Variants in PHLDB2 observed in about 807,000 individuals in gnomAD.
PHLDB2 encodes pleckstrin homology-like domain family B member 2.
Under a neutral mutation model 123.6 loss-of-function variants are expected in PHLDB2, and 71 were observed. The ratio of observed to expected loss-of-function variants is 0.57; its 90% CI spans 0.47 to 0.70. PHLDB2 has a LOEUF of 0.70. Among genes scored for constraint, PHLDB2 ranks in the 30% least tolerant of loss-of-function variants. PHLDB2 has a pLI of 0.00. For missense variants in PHLDB2, 1,446 were observed against 1,519.5 expected, an observed-to-expected ratio of 0.95 and a Z score of 0.80; for synonymous variants, 547 against 541.6, an observed-to-expected ratio of 1.01 and a Z score of -0.14.
intron 1 of PHLDB2, among the ~76,000 whole-genome samples, chr3:111,747,431 TTGTAAAAGAAGGGACTTTCA>T (rs1192960772): frequency 6.6e-6 from 1 of 152,192 alleles, no homozygotes; most frequent in East Asian, 1.9e-4. Flanking sequence ...ACAAAAATAT[TTGTAAAAGAAGGGACTTTCA>T]TGTAAAAGAA....
At chr3:111,885,493 G>C in intron 2 of PHLDB2, 81 bp downstream of exon 2, 1 of 1,549,532 alleles carries the variant, frequency 6.5e-7, no homozygotes, top group Non-Finnish European at 8.9e-7. Flanking sequence ...TGGACTCCAG[G>C]ATATGTGGGA....
At chr3:111,955,103 T>A (rs1259165607) in intron 12 of PHLDB2, among the ~76,000 whole-genome samples, 3 of 147,758 alleles carry the variant, frequency 2.0e-5, no homozygotes, top group South Asian at 2.2e-4. Context: ...TACATAAATT[T>A]ATATATATGT....
intron 1 of PHLDB2, among the ~76,000 whole-genome samples, chr3:111,795,590 G>C (rs1168039013): frequency 6.6e-6 from 1 of 152,094 alleles, no homozygotes; most frequent in Non-Finnish European, 1.5e-5. Flanking sequence ...CATACATCTT[G>C]AAGTCTTGGG....
chr3:111,829,098 G>C (rs561393797), intron 1 of PHLDB2, among the ~76,000 whole-genome samples: 26 of 152,212 alleles, frequency 1.7e-4, no homozygotes, highest in Non-Finnish European at 2.9e-4. Flanking sequence ...CAGAGTTTTA[G>C]ACATTTCCCT....
At chr3:111,958,600 G>A (rs1344460284) in intron 12 of PHLDB2, 1 of 418,808 alleles carries the variant, frequency 2.4e-6, no homozygotes, top group African/African-American at 2.1e-5. Flanking sequence ...ACTGGTTTGG[G>A]TTCCTTGTGT....
chr3:111,757,523 C>T (rs1033153434), intron 1 of PHLDB2, among the ~76,000 whole-genome samples: 1 of 152,094 alleles, frequency 6.6e-6, no homozygotes, highest in Non-Finnish European at 1.5e-5. Context: ...TTTGAATTTC[C>T]TCCTGTAGCT....
chr3:111,897,916 T>A (rs1017686265), intron 2 of PHLDB2, among the ~76,000 whole-genome samples: 5 of 152,220 alleles, frequency 3.3e-5, no homozygotes, highest in Non-Finnish European at 1.5e-5. Context: ...TTTTTTGGTT[T>A]CCCAGTGCAT....
chr3:111,844,495 T>G (rs923291831), intron 1 of PHLDB2, among the ~76,000 whole-genome samples: 6 of 152,212 alleles, frequency 3.9e-5, no homozygotes, highest in African/African-American at 1.4e-4. Flanking sequence ...TAAATCATGT[T>G]GGCTTGATGC....
chr3:111,856,283 C>A (rs1000004124), upstream of PHLDB2, among the ~76,000 whole-genome samples: 3 of 152,096 alleles, frequency 2.0e-5, no homozygotes, highest in East Asian at 1.9e-4. Flanking sequence ...ACAGAAATAT[C>A]CCCTAGTAAC....
At chr3:111,790,194 A>G (rs1180595186) in intron 1 of PHLDB2, among the ~76,000 whole-genome samples, 1 of 152,150 alleles carries the variant, frequency 6.6e-6, no homozygotes, top group Admixed American at 6.5e-5. Flanking sequence ...TGAAAATCTC[A>G]TAGCATAGCC....
intron 14 of PHLDB2, 32 bp downstream of exon 14, chr3:111,966,735 T>C (rs1280401692): frequency 1.3e-6 from 2 of 1,580,708 alleles, no homozygotes; most frequent in African/African-American, 1.4e-5. Flanking sequence ...CGGAGGTCTG[T>C]GATACCGTGG....
chr3:111,891,197 A>C (rs940699842), intron 2 of PHLDB2, among the ~76,000 whole-genome samples: 9 of 152,180 alleles, frequency 5.9e-5, no homozygotes, highest in Admixed American at 6.5e-5. Flanking sequence ...AGCATGGGTC[A>C]CCAACCCCTG....
At chr3:111,931,275 A>C (rs537361413) in intron 5 of PHLDB2, among the ~76,000 whole-genome samples, 6 of 152,224 alleles carry the variant, frequency 3.9e-5, no homozygotes, top group African/African-American at 9.6e-5. Flanking sequence ...AGACACATCT[A>C]AAATTTGTTT....
In PHLDB2 at chr3:111,829,927, AACACACACACACACACACACACAC is replaced by A. The variant is rs72357648; in HGVS notation, c.-48-15872_-48-15849del. On this transcript the variant is annotated intron_variant, in intron 1 of 17. Transcript: ENST00000393923. Reference sequence around the variant, plus strand: ...TCACCAAACTGACAGAACTATTCAAAACACACACACACACACACACACACACACACACACACACACACACAGCAA... The same window carrying A: ...TCACCAAACTGACAGAACTATTCAAAACACACACACACACACACACAGCAA... Among the ~76,000 whole-genome samples, 873 of 136,010 alleles carry A rather than the reference AACACACACACACACACACACACAC, an allele frequency of 6.4e-3. 10 individuals carry two copies. The highest frequency in any genetic ancestry group is 0.023 in the African/African-American group (809 of 35,236). 89.2% of individuals were successfully genotyped at this position (136,010 alleles called of 152,430 possible).
chr3:111,802,797 C>T (rs1279887672), intron 1 of PHLDB2, among the ~76,000 whole-genome samples: 2 of 152,120 alleles, frequency 1.3e-5, no homozygotes, highest in Non-Finnish European at 2.9e-5. Context: ...AGTTTATGAT[C>T]CTCTCTTCTT....
At chr3:111,920,899 C>T (rs2068460972) in intron 5 of PHLDB2, among the ~76,000 whole-genome samples, 1 of 152,200 alleles carries the variant, frequency 6.6e-6, no homozygotes, top group East Asian at 1.9e-4. Flanking sequence ...ACCTGCTTTG[C>T]CTTGCTATTG....
At chr3:111,908,185 C>A (rs1231055089) in intron 2 of PHLDB2, among the ~76,000 whole-genome samples, 1 of 152,144 alleles carries the variant, frequency 6.6e-6, no homozygotes, top group Non-Finnish European at 1.5e-5. Context: ...CTACCCTAAA[C>A]AAAGACACTG....
intron 5 of PHLDB2, among the ~76,000 whole-genome samples, chr3:111,920,784 G>A (rs1291190290): frequency 6.6e-6 from 1 of 152,148 alleles, no homozygotes. Context: ...TACCACTGCT[G>A]CCCTGTAGGG....
intron 1 of PHLDB2, among the ~76,000 whole-genome samples, chr3:111,763,154 T>C (rs2060022936): frequency 6.6e-6 from 1 of 152,218 alleles, no homozygotes. Flanking sequence ...ACAATGCAAA[T>C]CAAGGATTTT....
Sources: gnomAD v4.1 joint callset for allele counts (sites outside exome capture counted in the v4.1 genomes callset) on GRCh38, gnomAD v4.1.1 for gene constraint, MANE v1.5 for transcripts, NCBI Gene and HGNC (gene_info 2026-07-23, HGNC 2026-07-21) for gene names.